ESRRG: variants seen among roughly 807,000 people sequenced by gnomAD.
ESRRG encodes estrogen related receptor gamma.
ESRRG carries 13 observed loss-of-function variants against 44.0 expected under a neutral mutation model. The ratio of observed to expected loss-of-function variants is 0.30; its 90% CI spans 0.19 to 0.47. ESRRG has a LOEUF of 0.47. Among genes scored for constraint, ESRRG ranks in the 20% least tolerant of loss-of-function variants. ESRRG has a pLI of 1.00. For missense variants in ESRRG, 395 were observed against 580.6 expected, an observed-to-expected ratio of 0.68 and a Z score of 3.29; for synonymous variants, 215 against 214.6, an observed-to-expected ratio of 1.00 and a Z score of -0.02.
chr1:216,564,913 T>C (rs1057467286), intron 4 of ESRRG, among the ~76,000 whole-genome samples: 1 of 152,192 alleles, frequency 6.6e-6, no homozygotes, highest in African/African-American at 2.4e-5. Flanking sequence ...GGTGAATTAC[T>C]GACTATATAA....
At chr1:216,535,966 A>G (rs941860336) in intron 5 of ESRRG, among the ~76,000 whole-genome samples, 4 of 152,008 alleles carry the variant, frequency 2.6e-5, no homozygotes, top group African/African-American at 9.7e-5. Flanking sequence ...GTAATCACCA[A>G]TGACCTAATT....
At chr1:216,886,091 A>G (rs1433267793) in intron 2 of ESRRG, among the ~76,000 whole-genome samples, 2 of 152,132 alleles carry the variant, frequency 1.3e-5, no homozygotes, top group African/African-American at 4.8e-5. Context: ...TTGCTAGAGT[A>G]AGCCTAGTAT....
intron 2 of ESRRG, among the ~76,000 whole-genome samples, chr1:216,899,410 A>G (rs2058804151): frequency 6.6e-6 from 1 of 152,246 alleles, no homozygotes; most frequent in South Asian, 2.1e-4. Context: ...CACTAATTTT[A>G]GCCTTGAAAA....
rs181325619 is a variant in ESRRG, at chr1:216,764,460, G to C, written c.-13-86969C>G. ...ATTTTTGTATTTTTAGTAGAGATGG[G>C]GTTTCACCATGTTGGCCAGGCTGGT... On this transcript the variant is annotated intron_variant, in intron 2 of 7. Transcript: ENST00000359162. Among the ~76,000 whole-genome samples the C allele has an allele frequency of 2.4e-4, 36 of 151,924 alleles. No homozygotes were observed. In the East Asian group the frequency reaches 5.5e-3, roughly 23 times the overall value.
chr1:217,067,757 G>A (rs2089971246), intron 1 of ESRRG, among the ~76,000 whole-genome samples: 1 of 152,058 alleles, frequency 6.6e-6, no homozygotes, highest in Non-Finnish European at 1.5e-5. Flanking sequence ...TTACTTAACT[G>A]ATATTAATAG....
chr1:216,634,126 T>C (rs187381764), intron 3 of ESRRG, among the ~76,000 whole-genome samples: 1 of 152,332 alleles, frequency 6.6e-6, no homozygotes, highest in East Asian at 1.9e-4. Context: ...GATCATTCCT[T>C]TTCCACGCTC....
In ESRRG at chr1:216,566,781, A is replaced by G. The variant is rs577235298; in HGVS notation, c.700+1207T>C. Among the ~76,000 whole-genome samples the G allele has an allele frequency of 3.3e-5, 5 of 152,328 alleles. No individual in the cohort carries two copies. The South Asian group carries it at 1.0e-3, about 32-fold the overall frequency. Reference sequence around the variant, plus strand: ...AAACAGCTTATGCAGGCTGAGGAGAAGATGCCAGATTGGACAATTGAAGGT... The same window carrying G: ...AAACAGCTTATGCAGGCTGAGGAGAGGATGCCAGATTGGACAATTGAAGGT... On this transcript the variant is annotated intron_variant, in intron 4 of 6. Transcript: ENST00000408911.
At chr1:216,994,354 A>G (rs1318101133) in intron 1 of ESRRG, among the ~76,000 whole-genome samples, 2 of 152,132 alleles carry the variant, frequency 1.3e-5, no homozygotes, top group Non-Finnish European at 2.9e-5. Context: ...ATCATCTTGG[A>G]GGCATTAAAG....
At chr1:216,560,914 A>G (rs2058600358) in intron 5 of ESRRG, among the ~76,000 whole-genome samples, 1 of 152,190 alleles carries the variant, frequency 6.6e-6, no homozygotes, top group African/African-American at 2.4e-5. Flanking sequence ...TTCCAAGGAT[A>G]TAAAAGGATG....
intron 2 of ESRRG, among the ~76,000 whole-genome samples, chr1:216,815,640 A>G (rs1339348): frequency 0.26 from 40,125 of 152,000 alleles, 5,605 homozygotes; most frequent in East Asian, 0.48. Flanking sequence ...TTGCGACACA[A>G]CAGTGCTTTA....
At chr1:216,918,343 C>G (rs1233899522) in intron 2 of ESRRG, among the ~76,000 whole-genome samples, 1 of 152,144 alleles carries the variant, frequency 6.6e-6, no homozygotes, top group Admixed American at 6.6e-5. Flanking sequence ...GCCCTGCTCT[C>G]TCTTTCAAAG....
At chr1:216,558,033 T>C (rs577678363) in intron 5 of ESRRG, among the ~76,000 whole-genome samples, 1 of 152,142 alleles carries the variant, frequency 6.6e-6, no homozygotes, top group African/African-American at 2.4e-5. Context: ...ATATTTAGTA[T>C]GATGACAGAA....
At chr1:216,712,443 A>G (rs892211211) in intron 1 of ESRRG, among the ~76,000 whole-genome samples, 2 of 152,234 alleles carry the variant, frequency 1.3e-5, no homozygotes, top group Non-Finnish European at 2.9e-5. Context: ...TCAGTGTATC[A>G]GCAGTAGTGG....
chr1:216,717,566 A>G (rs1322122326), intron 1 of ESRRG, among the ~76,000 whole-genome samples: 1 of 151,888 alleles, frequency 6.6e-6, no homozygotes, highest in Non-Finnish European at 1.5e-5. Flanking sequence ...ATGTTATGCA[A>G]ATAAATAAAG....
chr1:216,863,577 A>T (rs1168453064), intron 2 of ESRRG: 1 of 152,212 alleles, frequency 6.6e-6, no homozygotes, highest in Admixed American at 6.5e-5. Flanking sequence ...TAGTCCAATT[A>T]GTCAAACCTT....
At chr1:217,015,389 G>GAATT (rs2079191895) in intron 1 of ESRRG, among the ~76,000 whole-genome samples, 1 of 152,094 alleles carries the variant, frequency 6.6e-6, no homozygotes, top group Non-Finnish European at 1.5e-5. Context: ...ACCTAAACAA[G>GAATT]AATTAAACTC....
At position 216,801,247 on chromosome 1, in the gene ESRRG, T is replaced by A. The variant is rs555955353; in HGVS notation, c.-13-123756A>T. 5.5e-4 allele frequency among the ~76,000 whole-genome samples: 83 copies of A among 152,182 alleles called. 1 individual carries two copies. Among genetic ancestry groups the A allele is most frequent in the Non-Finnish European group, 1.0e-3 (71 of 68,042 alleles). ...TATTTCAGAAAAAAGTTAATTGAAT[T>A]TTTTTGAGATGGGATCTTGCTATGT... On this transcript the variant is annotated intron_variant, in intron 2 of 7. Transcript: ENST00000359162.
At chr1:216,545,655 A>G (rs941156559) in intron 5 of ESRRG, among the ~76,000 whole-genome samples, 6 of 152,036 alleles carry the variant, frequency 3.9e-5, no homozygotes, top group African/African-American at 4.8e-5. Flanking sequence ...ACATACTTAT[A>G]TGTTTGTTAA....
chr1:217,123,939 C>A (rs756567459), intron 1 of ESRRG, among the ~76,000 whole-genome samples: 5 of 152,096 alleles, frequency 3.3e-5, no homozygotes, highest in South Asian at 2.1e-4. Flanking sequence ...TTTAAAAATA[C>A]CCATTTTAAA....
Sources: gnomAD v4.1 joint callset for allele counts (sites outside exome capture counted in the v4.1 genomes callset) on GRCh38, gnomAD v4.1.1 for gene constraint, MANE v1.5 for transcripts, NCBI Gene and HGNC (gene_info 2026-07-23, HGNC 2026-07-21) for gene names.